The following PIK3R6 variants were observed in gnomAD, a reference collection of about 807,000 sequenced individuals.
PIK3R6 encodes phosphoinositide-3-kinase regulatory subunit 6, also known as phosphoinositide 3-kinase regulatory subunit 6.
PIK3R6 carries 91 observed loss-of-function variants against 84.9 expected under a neutral mutation model. The observed-to-expected ratio is 1.07, with a 90% confidence interval of 0.90 to 1.28. The LOEUF is 1.28. Ranked by LOEUF, PIK3R6 falls within the 50% of genes most tolerant of loss-of-function variation. The probability of loss-of-function intolerance (pLI) is 0.00; values close to 1 mark genes in which losing one functional copy is unlikely to be tolerated. For missense variants in PIK3R6, 996 were observed against 985.1 expected (o/e 1.01, Z -0.15); for synonymous variants, 416 against 411.4 (o/e 1.01, Z -0.13).
At chr17:8,832,741 C>T in intron 9 of PIK3R6, 148 bp downstream of exon 9, 1 of 1,241,770 alleles carries the variant, frequency 8.1e-7, no homozygotes, top group Non-Finnish European at 1.1e-6. Flanking sequence ...TGCCAAACCC[C>T]CAGGCTGCCC....
At chr17:8,856,075 A>T (rs1228201924) in intron 1 of PIK3R6, among the ~76,000 whole-genome samples, 1 of 152,214 alleles carries the variant, frequency 6.6e-6, no homozygotes, top group African/African-American at 2.4e-5. Flanking sequence ...TAAATCCTGC[A>T]TGCCGTATGG....
intron 1 of PIK3R6, among the ~76,000 whole-genome samples, chr17:8,853,612 C>A (rs1231900881): frequency 2.0e-5 from 3 of 151,302 alleles, no homozygotes; most frequent in Admixed American, 6.6e-5. Flanking sequence ...TCACAGAAGA[C>A]CTAAATAAAT....
chr17:8,847,445 AC>A (rs1270237451), intron 2 of PIK3R6, among the ~76,000 whole-genome samples: 1 of 152,150 alleles, frequency 6.6e-6, no homozygotes, highest in African/African-American at 2.4e-5. Context: ...CTTCTCAGGT[AC>A]CCCTCTTCTT....
intron 18 of PIK3R6, among the ~76,000 whole-genome samples, chr17:8,808,325 T>C (rs1264134786): frequency 6.6e-6 from 1 of 152,236 alleles, no homozygotes; most frequent in Non-Finnish European, 1.5e-5. Context: ...CATATCTGCA[T>C]ATGTGGAACC....
intron 2 of PIK3R6, among the ~76,000 whole-genome samples, chr17:8,849,579 C>T (rs1035286470): frequency 3.3e-5 from 5 of 152,244 alleles, no homozygotes; most frequent in African/African-American, 4.8e-5. Flanking sequence ...CAGTGTCCAG[C>T]GAGCAGTTGG....
At position 8,819,108 on chromosome 17, in the gene PIK3R6, G is replaced by C; in HGVS notation, c.1970C>G (p.Ser657Cys). The change falls in exon 18 of 20, where the codon TCC becomes TGC. Residue 657 changes from serine to cysteine, a missense_variant. Transcript: ENST00000619866. ...AGAGAAGGACTTTCCCGCCAAGTTG[G>C]AGGACTTGACAACCTCTGTCACGTT... ...NVNVTEVVKS[S>C]NLAGKSFSTV... 1.2e-6 allele frequency: 2 copies of C among 1,607,128 alleles called. No homozygotes were observed. The highest frequency in any genetic ancestry group is 1.7e-6 in the Non-Finnish European group (2 of 1,176,982).
chr17:8,845,862 G>A (rs186789179), intron 2 of PIK3R6, among the ~76,000 whole-genome samples: 2 of 152,148 alleles, frequency 1.3e-5, no homozygotes, highest in African/African-American at 4.8e-5. Flanking sequence ...GCTTAAACCT[G>A]GGGGGTGGAG....
Position 8,803,800 on chromosome 17 carries a change from C to T in PIK3R6, c.2108+241G>A. 1 of 586,372 alleles carries T rather than the reference C, an allele frequency of 1.7e-6. No individual in the cohort carries two copies. Among genetic ancestry groups the T allele is most frequent in the Non-Finnish European group, 3.0e-6 (1 of 328,418 alleles). The allele number at this position is 586,372 out of a possible 1,614,324, so 36.3% of individuals were successfully genotyped here. ...GCTGCAGGCTGAGTGTATGCAGAGGCATCTGGGGAAAATGCAATATCAGCT... is the reference window on the plus strand; with the variant it reads ...GCTGCAGGCTGAGTGTATGCAGAGGTATCTGGGGAAAATGCAATATCAGCT... On this transcript the variant is annotated intron_variant, in intron 19 of 19. Coordinates refer to ENST00000619866, the MANE Select transcript of PIK3R6 (RefSeq NM_001010855.4). The surrounding 1 kb of genome is among the most constrained non-coding windows in gnomAD (Gnocchi z 5.0).
intron 1 of PIK3R6, among the ~76,000 whole-genome samples, chr17:8,864,800 G>A (rs2089369063): frequency 6.6e-6 from 1 of 152,042 alleles, no homozygotes; most frequent in African/African-American, 2.4e-5. Flanking sequence ...GCCTCCCAAA[G>A]TGCTGGGATT....
chr17:8,828,304 C>T, intron 11 of PIK3R6, 114 bp from the exon 12 acceptor site: 2 of 1,140,282 alleles, frequency 1.8e-6, no homozygotes, highest in South Asian at 1.4e-5. Flanking sequence ...TCTTTCTGAG[C>T]CTCTGCTTTC....
At position 8,829,299 on chromosome 17, in the gene PIK3R6, C is replaced by CAG. The variant is rs10665291; in HGVS notation, c.890-310_890-309insCT. On this transcript the variant is annotated intron_variant, in intron 10 of 19. Coordinates refer to ENST00000619866, the MANE Select transcript of PIK3R6 (RefSeq NM_001010855.4). ...GACACACACACGCATCATGCATACA[C>CAG]ACACACTGACACACGCATGCACGCA... is the stretch of plus-strand genomic sequence containing the variant. 6.8e-3 allele frequency among the ~76,000 whole-genome samples: 1,009 copies of CAG among 148,346 alleles called. 8 individuals are homozygous for CAG. Among genetic ancestry groups the CAG allele is most frequent in the African/African-American group, 0.014 (570 of 39,698 alleles).
At chr17:8,860,370 G>T (rs1042887763) in intron 1 of PIK3R6, among the ~76,000 whole-genome samples, 3 of 152,106 alleles carry the variant, frequency 2.0e-5, no homozygotes, top group Non-Finnish European at 1.5e-5. Context: ...CAGGCTGCCC[G>T]TTTCTTAAGA....
In PIK3R6 at chr17:8,838,510, T is replaced by C. The variant is rs958348021; in HGVS notation, c.189+54A>G. 8 of 1,513,616 alleles carry C rather than the reference T, an allele frequency of 5.3e-6. No individual in the cohort carries two copies. In the Admixed American group the frequency reaches 5.9e-5, roughly 11 times the overall value. 93.8% of individuals were successfully genotyped at this position (1,513,616 alleles called of 1,614,324 possible). On this transcript the variant is annotated intron_variant, in intron 4 of 19. Transcript: ENST00000619866. ...TGCCAGGACTGAGCCCCTGCCCAAT[T>C]GGCCCCTCTCTTCCTTTCATCCCCG...
At position 8,862,555 on chromosome 17, in the gene PIK3R6, T is replaced by G. The variant is rs1379197555; in HGVS notation, c.-92+4974A>C. Among the ~76,000 whole-genome samples, 1 of 152,090 alleles carries G rather than the reference T, an allele frequency of 6.6e-6. No individual in the cohort carries two copies. The highest frequency in any genetic ancestry group is 1.5e-5 in the Non-Finnish European group (1 of 68,008). On this transcript the variant is annotated intron_variant, in intron 1 of 19. Transcript: ENST00000619866. This position sits in a 1 kb window ranked among gnomAD's most constrained non-coding sequence, Gnocchi z 4.3. ...GCCTCACTGACCTGGCAGCTACCTC[T>G]GTCACCTGGGGGTGGCTGATCTTTC...
At chr17:8,821,960 G>C in intron 16 of PIK3R6, 24 bp from the exon 17 acceptor site, 1 of 1,539,966 alleles carries the variant, frequency 6.5e-7, no homozygotes, top group African/African-American at 1.4e-5. Flanking sequence ...TCGAGGAACA[G>C]GTGGAGGTGC....
intron 6 of PIK3R6, 45 bp downstream of exon 6, chr17:8,836,746 G>A: frequency 2.5e-6 from 4 of 1,610,910 alleles, no homozygotes; most frequent in Non-Finnish European, 3.4e-6. Flanking sequence ...CCTGGGCAAT[G>A]TTGGAGGTGC....
chr17:8,818,179 A>G (rs2087607496), intron 18 of PIK3R6, among the ~76,000 whole-genome samples: 1 of 152,220 alleles, frequency 6.6e-6, no homozygotes, highest in African/African-American at 2.4e-5. Flanking sequence ...ATACAGACTA[A>G]GCAGGTGGCT....
chr17:8,831,486 A>G (rs932099792), intron 9 of PIK3R6, among the ~76,000 whole-genome samples: 2 of 152,162 alleles, frequency 1.3e-5, no homozygotes, highest in African/African-American at 4.8e-5. Context: ...GCAAAGCCAG[A>G]TTGGCCCCAG....
intron 17 of PIK3R6, among the ~76,000 whole-genome samples, chr17:8,819,721 TATACACACACATATATAAGTATATATAC>T (rs1156794458): frequency 1.4e-5 from 2 of 147,562 alleles, no homozygotes; most frequent in African/African-American, 5.0e-5. Flanking sequence ...TATATACATA[TATACACACACATATATAAGTATATATAC>T]ATACACACGT....
Sources: gnomAD v4.1 joint callset for allele counts (sites outside exome capture counted in the v4.1 genomes callset) on GRCh38, gnomAD v4.1.1 for gene constraint, Gnocchi (gnomAD v3.1) non-coding constraint, MANE v1.5 for transcripts, NCBI Gene and HGNC (gene_info 2026-07-23, HGNC 2026-07-21) for gene names.